Variants in GLG1 observed in about 807,000 individuals in gnomAD.
GLG1 encodes the protein golgi glycoprotein 1.
A neutral mutation model predicts 160.5 loss-of-function variants in GLG1; 38 were observed. That is an observed-to-expected ratio of 0.24 (90% CI 0.18 to 0.31). GLG1 has a LOEUF of 0.31. Among genes scored for constraint, GLG1 ranks in the 10% least tolerant of loss-of-function variants. The probability of loss-of-function intolerance (pLI) is 1.00; values close to 1 mark genes in which losing one functional copy is unlikely to be tolerated. For missense variants in GLG1, 1,373 were observed against 1,505.2 expected, an observed-to-expected ratio of 0.91 and a Z score of 1.45; for synonymous variants, 644 against 543.4, an observed-to-expected ratio of 1.19 and a Z score of -2.57.
intron 1 of GLG1, among the ~76,000 whole-genome samples, chr16:74,590,424 C>T (rs1375793568): frequency 6.6e-6 from 1 of 151,800 alleles, no homozygotes; most frequent in Non-Finnish European, 1.5e-5. Context: ...TCGAGACCAG[C>T]CTGACCAACA....
intron 3 of GLG1, 118 bp from the exon 4 acceptor site, chr16:74,503,864 G>A: frequency 1.2e-5 from 8 of 660,478 alleles, no homozygotes; most frequent in East Asian, 2.7e-5. Context: ...TTACTTGGAA[G>A]AAAAAAAGAA....
intron 1 of GLG1, among the ~76,000 whole-genome samples, chr16:74,584,482 A>T (rs557753297): frequency 6.6e-6 from 1 of 152,274 alleles, no homozygotes; most frequent in South Asian, 2.1e-4. Flanking sequence ...CACTCTTACC[A>T]ATTAGTTTCA....
At chr16:74,469,554 G>C (rs1035560998) in intron 16 of GLG1, 1 of 185,456 alleles carries the variant, frequency 5.4e-6, no homozygotes, top group Non-Finnish European at 1.1e-5. Context: ...TCCTCAAAAA[G>C]ACTTAATTCT....
chr16:74,595,970 A>G (rs1958291800), intron 1 of GLG1, among the ~76,000 whole-genome samples: 1 of 151,932 alleles, frequency 6.6e-6, no homozygotes. Flanking sequence ...TTAAAAATAT[A>G]AAATTTGCCA....
intron 8 of GLG1, 80 bp downstream of exon 8, chr16:74,490,921 G>C: frequency 1.0e-6 from 1 of 952,690 alleles, no homozygotes; most frequent in Non-Finnish European, 1.7e-6. Flanking sequence ...TCCATATAAA[G>C]CAAGGTGGGA....
chr16:74,465,962 G>C (rs2014984568), intron 18 of GLG1, 149 bp from the exon 19 acceptor site: 2 of 754,778 alleles, frequency 2.6e-6, no homozygotes, highest in Non-Finnish European at 2.2e-6. Context: ...CCTTACCAAA[G>C]ATAAGGATTT....
intron 4 of GLG1, among the ~76,000 whole-genome samples, chr16:74,499,221 T>C (rs1222099044): frequency 5.8e-5 from 1 of 17,176 alleles, no homozygotes; most frequent in Non-Finnish European, 1.1e-4. Flanking sequence ...TAAAACTTGT[T>C]TGTTGTTGTT....
intron 4 of GLG1, among the ~76,000 whole-genome samples, chr16:74,499,894 TC>T (rs1305313105): frequency 1.3e-5 from 2 of 152,080 alleles, no homozygotes; most frequent in Non-Finnish European, 2.9e-5. Flanking sequence ...TCCCAGCCAC[TC>T]AGGAGGCTGA....
At chr16:74,473,212 T>C (rs116731518) in intron 13 of GLG1, among the ~76,000 whole-genome samples, 270 of 146,792 alleles carry the variant, frequency 1.8e-3, no homozygotes, top group African/African-American at 4.4e-3. Flanking sequence ...CTAATCCCCC[T>C]TTTTTTTTTT....
In GLG1 at chr16:74,532,113, A is replaced by C. The variant is rs764046740; in HGVS notation, c.471+8T>G. On this transcript the variant is annotated splice_region_variant and intron_variant, in intron 2 of 25. Coordinates refer to ENST00000422840, the MANE Select transcript of GLG1 (RefSeq NM_001145667.2). The stretch of plus-strand genomic sequence containing the variant: ...ACATATGGCGCATCACAGAAAATCC[A>C]TACTTACATGATTGCAGTCTGAAGA... The C allele has an allele frequency of 5.9e-6, 8 of 1,367,258 alleles. No homozygotes were observed. In the East Asian group the frequency reaches 2.0e-4, roughly 35 times the overall value. 84.7% of individuals were successfully genotyped at this position (1,367,258 alleles called of 1,614,324 possible).
At chr16:74,464,593 T>G (rs2014931962) in intron 19 of GLG1, among the ~76,000 whole-genome samples, 1 of 152,220 alleles carries the variant, frequency 6.6e-6, no homozygotes. Flanking sequence ...GATTATAACC[T>G]GCTGACATCT....
intron 13 of GLG1, among the ~76,000 whole-genome samples, chr16:74,473,422 C>T (rs1336605495): frequency 1.4e-5 from 2 of 143,304 alleles, no homozygotes; most frequent in African/African-American, 5.2e-5. Flanking sequence ...CCATGTTGGC[C>T]AGGATGGTCT....
Position 74,607,015 on chromosome 16 carries a change from G to T in GLG1, c.80C>A (p.Ala27Asp), listed in dbSNP as rs775681020. The T allele has an allele frequency of 1.2e-6, 2 of 1,600,408 alleles. No homozygotes were observed. The highest frequency in any genetic ancestry group is 3.4e-5 in the Admixed American group (2 of 58,224). Residue 27 changes from alanine to aspartate, a missense_variant, in exon 1 of 26, where the codon GCC becomes GAC. Coordinates refer to ENST00000422840, the MANE Select transcript of GLG1 (RefSeq NM_001145667.2). ...GACGCCCTGGCCGGGGAGTTTCTCG[G>T]CCCCGGCCGCGAATAGCAGCAGCAG... The part of the protein sequence containing the change: ...LHLLLLFAAG[A>D]EKLPGQGVHS...
chr16:74,578,074 G>C (rs1957855184), intron 1 of GLG1, among the ~76,000 whole-genome samples: 1 of 152,122 alleles, frequency 6.6e-6, no homozygotes, highest in Non-Finnish European at 1.5e-5. Context: ...AAAACTAAAA[G>C]AATGAGTAAG....
intron 1 of GLG1, among the ~76,000 whole-genome samples, chr16:74,550,883 G>C (rs1157237306): frequency 6.6e-6 from 1 of 152,232 alleles, no homozygotes; most frequent in Non-Finnish European, 1.5e-5. Context: ...GGCAGTATCA[G>C]TGGGATGGAA....
intron 1 of GLG1, among the ~76,000 whole-genome samples, chr16:74,599,813 G>A (rs1958396615): frequency 6.6e-6 from 1 of 151,500 alleles, no homozygotes; most frequent in South Asian, 2.1e-4. Context: ...GCAGTGAGCC[G>A]AGATCGCGCC....
chr16:74,601,040 A>G (rs149243732), intron 1 of GLG1, among the ~76,000 whole-genome samples: 1 of 152,262 alleles, frequency 6.6e-6, no homozygotes, highest in East Asian at 1.9e-4. Context: ...ATTGCTTCCA[A>G]CCAGACAGAC....
In GLG1 at chr16:74,558,822, T is replaced by TA. The variant is rs2018424095; in HGVS notation, c.439-26670dup. On this transcript the variant is annotated intron_variant, in intron 1 of 25. Transcript: ENST00000422840. The stretch of plus-strand genomic sequence containing the variant: ...TGTCTTCAAACATTTAATTATGGCT[T>TA]ACAATAAAATAAAATTTAACCTAAT... 2.6e-5 allele frequency among the ~76,000 whole-genome samples: 4 copies of TA among 152,320 alleles called. No homozygotes were observed. In the South Asian group the frequency reaches 8.3e-4, roughly 32 times the overall value.
At chr16:74,544,564 T>C (rs776769879) in intron 1 of GLG1, among the ~76,000 whole-genome samples, 4 of 152,168 alleles carry the variant, frequency 2.6e-5, no homozygotes, top group African/African-American at 9.7e-5. Context: ...TGGAGTGCAA[T>C]AGCGTGATCA....
Sources: allele counts gnomAD v4.1 joint callset (sites outside exome capture counted in the v4.1 genomes callset), GRCh38; gene constraint gnomAD v4.1.1; transcripts MANE v1.5; gene names NCBI Gene and HGNC (gene_info 2026-07-23, HGNC 2026-07-21).